DENND5A: variants seen among roughly 807,000 people sequenced by gnomAD.
DENND5A encodes DENN domain containing 5A.
A neutral mutation model predicts 140.3 loss-of-function variants in DENND5A; 64 were observed. The ratio of observed to expected loss-of-function variants is 0.46; its 90% CI spans 0.37 to 0.56. The LOEUF is 0.56. DENND5A is among the 20% of genes least tolerant of loss of function. The probability of loss-of-function intolerance (pLI) is 0.00; values close to 1 mark genes in which losing one functional copy is unlikely to be tolerated. For synonymous variants in DENND5A, 605 were observed against 607.7 expected (o/e 1.00, Z 0.07); for missense variants, 1,292 against 1,593.8 (o/e 0.81, Z 3.22).
rs554656505 is a variant in DENND5A at position 9,242,542 on chromosome 11, G to A, written c.109+22419C>T. The A allele has an allele frequency of 2.6e-5, 4 of 152,270 alleles. No individual in the cohort carries two copies. In the East Asian group the frequency reaches 5.8e-4, roughly 22 times the overall value. 9.4% of individuals were successfully genotyped at this position (152,270 alleles called of 1,614,324 possible). A position where few individuals can be genotyped will look rare whatever the true frequency, so the allele number is the denominator to read the frequency against. ...AAAAGTAGAAGACTTTAGAGACAGG[G>A]AGAACAGGCTTCCAATTCTTGCTTT... On this transcript the variant is annotated intron_variant, in intron 1 of 22. Coordinates refer to ENST00000328194, the MANE Select transcript of DENND5A (RefSeq NM_015213.4).
intron 15 of DENND5A, among the ~76,000 whole-genome samples, chr11:9,148,221 A>G (rs912988333): frequency 2.0e-5 from 3 of 152,190 alleles, no homozygotes; most frequent in Non-Finnish European, 2.9e-5. Flanking sequence ...GGCAGCAGAA[A>G]TTTAGACAAC....
chr11:9,189,811 T>G (rs1308376746), intron 5 of DENND5A, among the ~76,000 whole-genome samples: 1 of 152,098 alleles, frequency 6.6e-6, no homozygotes, highest in Non-Finnish European at 1.5e-5. Context: ...CAGCCAATTT[T>G]GTGTTTTAAG....
intron 1 of DENND5A, among the ~76,000 whole-genome samples, chr11:9,235,763 A>C (rs577153856): frequency 6.6e-6 from 1 of 152,274 alleles, no homozygotes; most frequent in African/African-American, 2.4e-5. Context: ...TGAAACATCC[A>C]GAATAGGTAA....
rs1252047609 is a variant in DENND5A at position 9,141,933 on chromosome 11, G to A, written c.3680+7C>T. ...GCTGTGCACTCTGGGCCCTGGGTCTGCAGTACCTGGCTCCCAAGCACACCA... is the reference window on the plus strand; with the variant it reads ...GCTGTGCACTCTGGGCCCTGGGTCTACAGTACCTGGCTCCCAAGCACACCA... On this transcript the variant is annotated splice_region_variant and intron_variant, in intron 22 of 22. Coordinates refer to ENST00000328194, the MANE Select transcript of DENND5A (RefSeq NM_015213.4). 1 of 1,574,906 alleles carries A rather than the reference G, an allele frequency of 6.3e-7. No individual in the cohort carries two copies. Among genetic ancestry groups the A allele is most frequent in the Non-Finnish European group, 8.6e-7 (1 of 1,158,724 alleles).
intron 15 of DENND5A, 80 bp from the exon 16 acceptor site, chr11:9,147,231 C>G: frequency 6.8e-7 from 1 of 1,479,078 alleles, no homozygotes; most frequent in Non-Finnish European, 9.3e-7. Context: ...TGGAAGGAGA[C>G]AGCTAAGGGA....
At chr11:9,147,281 T>C in intron 15 of DENND5A, 130 bp from the exon 16 acceptor site, 2 of 937,592 alleles carry the variant, frequency 2.1e-6, no homozygotes, top group Non-Finnish European at 3.2e-6. Flanking sequence ...AGGTTCACCC[T>C]ATAAAGGAAC....
chr11:9,199,960 G>C (rs1181913220), intron 4 of DENND5A, among the ~76,000 whole-genome samples: 1 of 152,106 alleles, frequency 6.6e-6, no homozygotes, highest in African/African-American at 2.4e-5. Context: ...CAATATCCAG[G>C]AATTTCTGAA....
At chr11:9,172,768 G>A (rs1564895370) in intron 8 of DENND5A, among the ~76,000 whole-genome samples, 1 of 152,120 alleles carries the variant, frequency 6.6e-6, no homozygotes, top group East Asian at 1.9e-4. Flanking sequence ...ATAGCAGCAT[G>A]AGAATAAACT....
chr11:9,218,489 G>A (rs1850182685), intron 1 of DENND5A, among the ~76,000 whole-genome samples: 1 of 152,256 alleles, frequency 6.6e-6, no homozygotes, highest in Admixed American at 6.5e-5. Flanking sequence ...TCTTTGGGAG[G>A]CCGAGGGGAG....
chr11:9,188,911 T>C (rs1393224166), intron 5 of DENND5A, among the ~76,000 whole-genome samples: 1 of 152,252 alleles, frequency 6.6e-6, no homozygotes, highest in Non-Finnish European at 1.5e-5. Flanking sequence ...TCAAGCTGGC[T>C]ACAGAAATTT....
intron 10 of DENND5A, 89 bp from the exon 11 acceptor site, chr11:9,166,056 A>G (rs777791850): frequency 1.3e-4 from 146 of 1,127,648 alleles, no homozygotes; most frequent in Admixed American, 1.7e-4. Flanking sequence ...AGAGGGCATT[A>G]TTTTCTCACA....
At chr11:9,246,921 T>C (rs1240908314) in intron 1 of DENND5A, among the ~76,000 whole-genome samples, 2 of 152,134 alleles carry the variant, frequency 1.3e-5, no homozygotes, top group Non-Finnish European at 2.9e-5. Context: ...TCCTGAAATT[T>C]ACCCATACCT....
At chr11:9,199,412 A>G (rs1224972036) in intron 4 of DENND5A, among the ~76,000 whole-genome samples, 1 of 152,160 alleles carries the variant, frequency 6.6e-6, no homozygotes, top group African/African-American at 2.4e-5. Context: ...TGGGAGGATC[A>G]TCTGAGTCTG....
chr11:9,141,151 T>C (rs1847224501), intron 22 of DENND5A, among the ~76,000 whole-genome samples: 1 of 152,114 alleles, frequency 6.6e-6, no homozygotes, highest in East Asian at 1.9e-4. Flanking sequence ...AATAAATAAA[T>C]AAATGGTAAG....
At chr11:9,156,308 C>G (rs1424481215) in intron 12 of DENND5A, among the ~76,000 whole-genome samples, 1 of 152,166 alleles carries the variant, frequency 6.6e-6, no homozygotes, top group African/African-American at 2.4e-5. Context: ...AAAGCCAGGA[C>G]TCAGAACAAA....
At chr11:9,172,504 C>T (rs549768171) in intron 8 of DENND5A, among the ~76,000 whole-genome samples, 15 of 152,242 alleles carry the variant, frequency 9.9e-5, no homozygotes, top group African/African-American at 3.6e-4. Flanking sequence ...TGGGAGGGAC[C>T]CAGTGGGAGG....
chr11:9,212,081 A>C (rs1849903322), intron 1 of DENND5A, among the ~76,000 whole-genome samples: 1 of 152,164 alleles, frequency 6.6e-6, no homozygotes, highest in Non-Finnish European at 1.5e-5. Context: ...GACAGAAAAA[A>C]GGATTAGGAA....
chr11:9,203,033 G>T (rs1199906596), intron 4 of DENND5A, among the ~76,000 whole-genome samples: 1 of 151,752 alleles, frequency 6.6e-6, no homozygotes, highest in Non-Finnish European at 1.5e-5. Flanking sequence ...TTTCTGTCTT[G>T]TCCACCACTA....
chr11:9,248,029 C>G (rs1851553635), intron 1 of DENND5A, among the ~76,000 whole-genome samples: 1 of 152,132 alleles, frequency 6.6e-6, no homozygotes, highest in Admixed American at 6.6e-5. Context: ...GCTCTGTTGC[C>G]CAGGCTAGAG....
Sources: gnomAD v4.1 joint callset for allele counts (sites outside exome capture counted in the v4.1 genomes callset) on GRCh38, gnomAD v4.1.1 for gene constraint, MANE v1.5 for transcripts, NCBI Gene and HGNC (gene_info 2026-07-23, HGNC 2026-07-21) for gene names.